ARPC2: variants seen among roughly 807,000 people sequenced by gnomAD.
ARPC2 encodes actin related protein 2/3 complex subunit 2, also known as actin-related protein 2/3 complex subunit 2.
In ARPC2, 4 loss-of-function variants were observed where a neutral mutation model predicts 38.6. The observed-to-expected ratio is 0.10, with a 90% CI of 0.05 to 0.24. The LOEUF is 0.24. Among genes scored for constraint, ARPC2 ranks in the 10% least tolerant of loss-of-function variants. The pLI is 1.00. For synonymous variants in ARPC2, 125 were observed against 140.8 expected (o/e 0.89, Z 0.79); for missense variants, 229 against 387.3 (o/e 0.59, Z 3.43).
chr2:218,238,590 C>CTTTTTT (rs34654904), intron 5 of ARPC2, 74 bp from the exon 6 acceptor site: 4 of 427,682 alleles, frequency 9.4e-6, no homozygotes, highest in South Asian at 4.3e-5. Context: ...TAGTATGCTG[C>CTTTTTT]TTTTTTTTTT....
At chr2:218,249,274 AGG>A (rs1254924218) in intron 8 of ARPC2, 88 bp from the exon 9 acceptor site, 1 of 837,458 alleles carries the variant, frequency 1.2e-6, no homozygotes, top group African/African-American at 1.7e-5. Context: ...TTAAGCAGAG[AGG>A]GAGTGATGTT....
intron 2 of ARPC2, among the ~76,000 whole-genome samples, chr2:218,221,185 T>C (rs1689376617): frequency 6.6e-6 from 1 of 152,192 alleles, no homozygotes; most frequent in African/African-American, 2.4e-5. Flanking sequence ...AAGTGTGTGC[T>C]GGCTCCGTGC....
chr2:218,249,862 C>G lies in ARPC2; in HGVS notation c.819C>G (p.Phe273Leu). The change falls in exon 10 of 11, where the codon TTC becomes TTG. Residue 273 changes from phenylalanine (F) to leucine (L), a missense_variant. Around this residue, in one of 3 missense-constraint regions of ARPC2, gnomAD observed 92 missense variants for 152.3 expected, o/e 0.60. Coordinates refer to ENST00000315717, the MANE Select transcript of ARPC2 (RefSeq NM_152862.3). The stretch of plus-strand genomic sequence containing the variant: ...GTATGCGGGCGAAAACGTCTGACTT[C>G]CTCAAGGTGCTGAACCGCGCACGCC... Reference protein sequence around the residue: ...HTRMRAKTSDFLKVLNRARPD... With the variant: ...HTRMRAKTSDLLKVLNRARPD... 6.2e-7 allele frequency: 1 copy of G among 1,613,980 alleles called. No homozygotes were observed. The highest frequency in any genetic ancestry group is 8.5e-7 in the Non-Finnish European group (1 of 1,179,978).
chr2:218,248,606 A>G (rs924796432), intron 8 of ARPC2, among the ~76,000 whole-genome samples: 2 of 152,212 alleles, frequency 1.3e-5, no homozygotes, highest in East Asian at 3.8e-4. Flanking sequence ...GATTACAGGC[A>G]CACGCCATCA....
rs1259171483 is a variant in ARPC2 at position 218,249,224 on chromosome 2, C to A, written c.677-140C>A. 6.6e-6 allele frequency: 4 copies of A among 610,154 alleles called. No individual in the cohort carries two copies. In the East Asian group the frequency reaches 9.5e-5, roughly 14 times the overall value. The allele number at this position is 610,154 out of a possible 1,614,324, so 37.8% of individuals were successfully genotyped here. ...TTTAACTTCCATGTCAAGAAAAAAC[C>A]CTGACAAAGCCTGGTAATACTGACA... On this transcript the variant is annotated intron_variant, in intron 8 of 10. Coordinates refer to ENST00000315717, the MANE Select transcript of ARPC2 (RefSeq NM_152862.3).
At chr2:218,237,412 A>G (rs1689799920) in intron 5 of ARPC2, among the ~76,000 whole-genome samples, 1 of 151,380 alleles carries the variant, frequency 6.6e-6, no homozygotes, top group South Asian at 2.1e-4. Flanking sequence ...TTGGCCAGGC[A>G]GGTCTCGAAC....
chr2:218,217,357 T>A, intron 1 of ARPC2, 103 bp downstream of exon 1: 68 of 733,714 alleles, frequency 9.3e-5, no homozygotes, highest in African/African-American at 1.7e-4. Context: ...TCCCCTAACC[T>A]CCTACCCCAC....
intron 3 of ARPC2, 136 bp downstream of exon 3, chr2:218,226,090 T>C (rs1009411464): frequency 3.8e-5 from 31 of 816,052 alleles, no homozygotes; most frequent in Non-Finnish European, 5.9e-5. Context: ...ATGTCAAGAG[T>C]TAAAGAACAG....
At chr2:218,253,585 A>G (rs1336861928) in intron 10 of ARPC2, among the ~76,000 whole-genome samples, 3 of 152,236 alleles carry the variant, frequency 2.0e-5, no homozygotes, top group African/African-American at 4.8e-5. Flanking sequence ...AGGTACGTCT[A>G]GGCCATCCAG....
At chr2:218,249,681 C>T in intron 9 of ARPC2, 140 bp from the exon 10 acceptor site, 2 of 860,136 alleles carry the variant, frequency 2.3e-6, no homozygotes, top group Non-Finnish European at 3.6e-6. Context: ...AATTGCTCAC[C>T]TTCCTGCTTC....
intron 5 of ARPC2, 23 bp from the exon 6 acceptor site, chr2:218,238,641 T>C: frequency 1.3e-6 from 2 of 1,497,290 alleles, no homozygotes; most frequent in Non-Finnish European, 1.8e-6. Flanking sequence ...GTTTTTTGTT[T>C]CTTGTTTTTT....
chr2:218,235,372 C>G (rs561065093), intron 5 of ARPC2: 1 of 153,726 alleles, frequency 6.5e-6, no homozygotes, highest in Non-Finnish European at 1.4e-5. Context: ...GAAACAGAGT[C>G]TCACTGTCTG....
intron 2 of ARPC2, among the ~76,000 whole-genome samples, chr2:218,220,777 C>T (rs1321558076): frequency 6.6e-6 from 1 of 151,982 alleles, no homozygotes; most frequent in African/African-American, 2.4e-5. Context: ...TTTGACAAAG[C>T]CTAAGGTTCA....
chr2:218,230,136 A>G (rs543746790), intron 4 of ARPC2, among the ~76,000 whole-genome samples: 6 of 151,326 alleles, frequency 4.0e-5, no homozygotes, highest in Non-Finnish European at 5.9e-5. Flanking sequence ...ACACCTGGCT[A>G]ATTTTTTGTA....
intron 5 of ARPC2, chr2:218,235,644 A>G (rs538091229): frequency 7.2e-5 from 11 of 152,314 alleles, no homozygotes; most frequent in African/African-American, 2.4e-4. Context: ...ATCATGTCCA[A>G]AGTCTTGGGC....
At chr2:218,238,609 T>TAAA in intron 5 of ARPC2, 55 bp from the exon 6 acceptor site, 3 of 916,154 alleles carry the variant, frequency 3.3e-6, no homozygotes, top group Non-Finnish European at 4.8e-6. Context: ...TTTTTTTTTT[T>TAAA]TTTAAATGTA....
intron 10 of ARPC2, among the ~76,000 whole-genome samples, chr2:218,253,494 C>T (rs1267820142): frequency 1.3e-5 from 2 of 152,190 alleles, no homozygotes; most frequent in African/African-American, 4.8e-5. Flanking sequence ...TATCTGGGAG[C>T]CCTGAGAGGT....
chr2:218,236,549 A>G (rs1247711972), intron 5 of ARPC2: 1 of 152,056 alleles, frequency 6.6e-6, no homozygotes, highest in Non-Finnish European at 1.5e-5. Context: ...TCCCAGCACT[A>G]TCGGAGGCCA....
At position 218,253,987 on chromosome 2, in the gene ARPC2, T is replaced by C; in HGVS notation, c.*72T>C. 6.3e-7 allele frequency: 1 copy of C among 1,590,480 alleles called. No individual in the cohort carries two copies. Among genetic ancestry groups the C allele is most frequent in the Non-Finnish European group, 8.6e-7 (1 of 1,160,024 alleles). Reference sequence around the variant, plus strand: ...ACTTGCTACTGGATAATCGTAGCTTTTAATGTTGCGCCTCTTCAGGTTCTT... The same window carrying C: ...ACTTGCTACTGGATAATCGTAGCTTCTAATGTTGCGCCTCTTCAGGTTCTT... On this transcript the variant is annotated 3_prime_UTR_variant, in exon 11 of 11. Coordinates refer to ENST00000315717, the MANE Select transcript of ARPC2 (RefSeq NM_152862.3).
Sources: allele counts gnomAD v4.1 joint callset (sites outside exome capture counted in the v4.1 genomes callset), GRCh38; gene constraint gnomAD v4.1.1; regional missense constraint gnomAD v4.1.1; transcripts MANE v1.5; gene names NCBI Gene and HGNC (gene_info 2026-07-23, HGNC 2026-07-21).